The following PCDHA4 variants were observed in gnomAD, a reference collection of about 807,000 sequenced individuals.
PCDHA4 encodes protocadherin alpha-4.
In PCDHA4, 49 loss-of-function variants were observed where a neutral mutation model predicts 61.4. The observed-to-expected ratio is 0.80, with a 90% CI of 0.63 to 1.01. PCDHA4 has a LOEUF of 1.01. Among genes scored for constraint, PCDHA4 ranks in the 50% least tolerant of loss-of-function variants. The pLI is 0.00. For missense variants in PCDHA4, 1,254 were observed against 1,235.8 expected (o/e 1.01, Z -0.22); for synonymous variants, 590 against 550.3 (o/e 1.07, Z -1.01).
chr5:140,923,242 C>T (rs1302368115), intron 1 of PCDHA4, among the ~76,000 whole-genome samples: 1 of 151,762 alleles, frequency 6.6e-6, no homozygotes, highest in Non-Finnish European at 1.5e-5. Flanking sequence ...AAGTTTGAGA[C>T]CAGCTGGGCA....
intron 1 of PCDHA4, chr5:140,968,734 C>A: frequency 6.2e-7 from 1 of 1,614,162 alleles, no homozygotes; most frequent in Non-Finnish European, 8.5e-7. Flanking sequence ...GTAGCACTTT[C>A]AACCTGACCG....
rs1164447924 is a variant in PCDHA4, at chr5:141,009,514, AT to A, written c.2534-108del. The A allele has an allele frequency of 1.5e-5, 22 of 1,501,204 alleles. 1 individual carries two copies. The South Asian group carries it at 1.9e-4, about 13-fold the overall frequency. 93.0% of individuals were successfully genotyped at this position (1,501,204 alleles called of 1,614,324 possible). ...CTCAGACTTGAACAAACAACTCGTG[AT>A]TTTTCTGGGGAGGTTCAGCCTGCCT... On this transcript the variant is annotated intron_variant, in intron 3 of 3. Coordinates refer to ENST00000530339, the MANE Select transcript of PCDHA4 (RefSeq NM_018907.4).
rs547096956 is a variant in PCDHA4, at chr5:140,967,167, T to C, written c.2386-11782T>C. 6.2e-6 allele frequency: 10 copies of C among 1,611,120 alleles called. No homozygotes were observed. In the Admixed American group the frequency reaches 8.3e-5, roughly 13 times the overall value. ...CACAACCCCGTGGCGGTGAGCGCCG[T>C]TGAGGTGGAAATATTGGACATCAAC... is the stretch of plus-strand genomic sequence containing the variant. On this transcript the variant is annotated intron_variant, in intron 1 of 3. Transcript: ENST00000530339.
chr5:140,881,350 T>C, intron 1 of PCDHA4: 1 of 985,354 alleles, frequency 1.0e-6, no homozygotes, highest in Non-Finnish European at 1.2e-6. Flanking sequence ...CGGGCTACAA[T>C]GCGTGGCTTT....
intron 3 of PCDHA4, among the ~76,000 whole-genome samples, chr5:140,985,542 C>T (rs2097157092): frequency 6.6e-6 from 1 of 152,106 alleles, no homozygotes; most frequent in African/African-American, 2.4e-5. Context: ...GGTGAAGATG[C>T]AGTTGCTTCC....
intron 1 of PCDHA4, among the ~76,000 whole-genome samples, chr5:140,943,498 A>T (rs2093507311): frequency 6.6e-6 from 1 of 152,164 alleles, no homozygotes; most frequent in Admixed American, 6.6e-5. Flanking sequence ...GATGCTATCA[A>T]GGTTCATGGA....
At chr5:140,843,512 G>C (rs2150361484) in intron 1 of PCDHA4, 9 of 1,595,848 alleles carry the variant, frequency 5.6e-6, no homozygotes, top group Non-Finnish European at 7.7e-6. Flanking sequence ...CACTGAGGGC[G>C]GGTGCCGGGC....
At chr5:140,836,028 G>T (rs2150251055) in intron 1 of PCDHA4, 61 of 1,613,392 alleles carry the variant, frequency 3.8e-5, no homozygotes, top group Non-Finnish European at 4.9e-5. Flanking sequence ...GGGCAGCAAC[G>T]TGACGCTGCA....
At chr5:140,917,336 G>T (rs1183036523) in intron 1 of PCDHA4, among the ~76,000 whole-genome samples, 1 of 144,856 alleles carries the variant, frequency 6.9e-6, no homozygotes, top group Non-Finnish European at 1.5e-5. Context: ...GGGGAGGGGG[G>T]GGATGGTGTA....
At position 140,926,615 on chromosome 5, in the gene PCDHA4, C is replaced by G. The variant is rs540135252; in HGVS notation, c.2386-52334C>G. On this transcript the variant is annotated intron_variant, in intron 1 of 3. Coordinates refer to ENST00000530339, the MANE Select transcript of PCDHA4 (RefSeq NM_018907.4). ...GGCGGGCGGCCTCGTCTCTGCACCC[C>G]TAGGCGGCGCTGCGCTCCTCAACAC... 1,855 of 379,286 alleles carry G rather than the reference C, an allele frequency of 4.9e-3. 8 individuals are homozygous for G. Among genetic ancestry groups the G allele is most frequent in the African/African-American group, 0.019 (896 of 47,466 alleles). The allele number at this position is 379,286 out of a possible 1,614,324, so 23.5% of individuals were successfully genotyped here. A position where few individuals can be genotyped will look rare whatever the true frequency, so the allele number is the denominator to read the frequency against.
rs536777034 is a variant in PCDHA4 at position 140,985,803 on chromosome 5, G to A, written c.2533+3240G>A. Among the ~76,000 whole-genome samples the A allele has an allele frequency of 1.3e-4, 18 of 139,858 alleles. No individual in the cohort carries two copies. In the East Asian group the frequency reaches 1.8e-3, roughly 14 times the overall value. The allele number at this position is 139,858 out of a possible 152,430, so 91.8% of individuals were successfully genotyped here. A position where few individuals can be genotyped will look rare whatever the true frequency, so the allele number is the denominator to read the frequency against. Reference sequence around the variant, plus strand: ...CGCCCAGGCTGGAGTGCAGTGGCACGATCTCAGCTCACAACAAGCTCTGCC... The same window carrying A: ...CGCCCAGGCTGGAGTGCAGTGGCACAATCTCAGCTCACAACAAGCTCTGCC... On this transcript the variant is annotated intron_variant, in intron 3 of 3. Transcript: ENST00000530339.
intron 2 of PCDHA4, among the ~76,000 whole-genome samples, chr5:140,979,622 T>C (rs1300997272): frequency 6.6e-6 from 1 of 152,246 alleles, no homozygotes; most frequent in Non-Finnish European, 1.5e-5. Flanking sequence ...GGTATTAGTC[T>C]AAGACTCAGA....
rs549259485 is a variant in PCDHA4, at chr5:140,926,218, A to C, written c.2386-52731A>C. 2.0e-5 allele frequency among the ~76,000 whole-genome samples: 3 copies of C among 152,070 alleles called. No individual in the cohort carries two copies. In the South Asian group the frequency reaches 6.3e-4, roughly 32 times the overall value. On this transcript the variant is annotated intron_variant, in intron 1 of 3. Coordinates refer to ENST00000530339, the MANE Select transcript of PCDHA4 (RefSeq NM_018907.4). ...TCTTTCGGGGGGCTCCTGTTTCCTT[A>C]AGCCTAGAAGGTGTGGTCGCTCACG...
intron 1 of PCDHA4, chr5:140,857,403 C>T (rs782020024): frequency 1.3e-6 from 2 of 1,598,418 alleles, no homozygotes; most frequent in African/African-American, 2.7e-5. Flanking sequence ...GACAACGCGC[C>T]TGCGTTCGCG....
intron 1 of PCDHA4, among the ~76,000 whole-genome samples, chr5:140,911,053 G>A (rs2075311912): frequency 6.6e-6 from 1 of 152,090 alleles, no homozygotes. Flanking sequence ...GGGGTGGTGG[G>A]GGGTGGGTCC....
chr5:140,874,158 G>T (rs986617459), intron 1 of PCDHA4, among the ~76,000 whole-genome samples: 8 of 152,108 alleles, frequency 5.3e-5, no homozygotes, highest in African/African-American at 1.7e-4. Context: ...GCCATTCTTG[G>T]TTACTCTTTC....
chr5:140,926,405 T>C (rs1554203436), intron 1 of PCDHA4: 1 of 152,454 alleles, frequency 6.6e-6, no homozygotes, highest in Non-Finnish European at 1.5e-5. Context: ...TTATCAGCAA[T>C]CTGCGGGCAG....
chr5:140,847,830 A>G lies in PCDHA4; in HGVS notation c.2385+38258A>G, dbSNP rs137920365. The G allele has an allele frequency of 3.3e-5, 5 of 149,914 alleles. No homozygotes were observed. In the East Asian group the frequency reaches 7.7e-4, roughly 23 times the overall value. The allele number at this position is 149,914 out of a possible 1,614,324, so 9.3% of individuals were successfully genotyped here. ...ATTCATAGAATTACTCAAGAAAACT[A>G]CCTCAGTTGGTTGCTACTTTTTGTT... On this transcript the variant is annotated intron_variant, in intron 1 of 3. Transcript: ENST00000530339.
At chr5:140,885,910 T>C (rs55634134) in intron 1 of PCDHA4, among the ~76,000 whole-genome samples, 4,308 of 152,302 alleles carry the variant, frequency 0.028, 189 homozygotes, top group African/African-American at 0.098. Context: ...CTGTACCTTA[T>C]AGATATTAAC....
Sources: gnomAD v4.1 joint callset for allele counts (sites outside exome capture counted in the v4.1 genomes callset) on GRCh38, gnomAD v4.1.1 for gene constraint, MANE v1.5 for transcripts, NCBI Gene and HGNC (gene_info 2026-07-23, HGNC 2026-07-21) for gene names.